Variants in TSPAN7 observed in about 807,000 individuals in gnomAD.
TSPAN7 encodes tetraspanin-7.
TSPAN7 carries 1 observed loss-of-function variant against 17.6 expected under a neutral mutation model. The observed-to-expected ratio is 0.06, with a 90% CI of 0.02 to 0.27. The LOEUF is 0.27. Ranked by LOEUF, TSPAN7 falls within the 10% of genes least tolerant of loss-of-function variation. TSPAN7 has a pLI of 1.00. For missense variants in TSPAN7, 112 were observed against 201.7 expected (o/e 0.56, Z 2.69); for synonymous variants, 78 against 79.0 (o/e 0.99, Z 0.07).
At chrX:38,627,465 C>T (rs1360684860) in intron 1 of TSPAN7, among the ~76,000 whole-genome samples, 2 of 112,097 alleles carry the variant, frequency 1.8e-5, no homozygotes, top group Non-Finnish European at 3.8e-5. Flanking sequence ...TGAGGTAATA[C>T]TTTCTAAAGC....
At chrX:38,645,821 C>T (rs1602111321) in intron 1 of TSPAN7, among the ~76,000 whole-genome samples, 2 of 111,677 alleles carry the variant, frequency 1.8e-5, no homozygotes, top group Non-Finnish European at 3.8e-5. Context: ...CTTGGAAGCA[C>T]TCAATAATAA....
At chrX:38,579,429 T>A (rs769826041) in intron 1 of TSPAN7, among the ~76,000 whole-genome samples, 2 of 107,743 alleles carry the variant, frequency 1.9e-5, no homozygotes, top group Admixed American at 1.0e-4. Flanking sequence ...AAAAAAAAAA[T>A]ACAAATATTA....
chrX:38,680,539 TTCTCTCTC>T (rs61619425), intron 5 of TSPAN7, among the ~76,000 whole-genome samples: 899 of 75,557 alleles, frequency 0.012, 11 homozygotes, highest in African/African-American at 0.03. Context: ...TACTTACAAA[TTCTCTCTC>T]TCTCTCTCTC....
chrX:38,678,865 C>G (rs955687523), intron 5 of TSPAN7, among the ~76,000 whole-genome samples: 1 of 111,572 alleles, frequency 9.0e-6, no homozygotes, highest in African/African-American at 3.3e-5. Flanking sequence ...GTCGGGAGAT[C>G]TGGTTAAAAT....
chrX:38,666,135 C>A lies in TSPAN7; in HGVS notation c.96C>A (p.Ile32=), dbSNP rs1237528573. Residue 32 remains isoleucine, a synonymous_variant, in exon 2 of 8, where the codon ATC becomes ATA. Coordinates refer to ENST00000378482, the MANE Select transcript of TSPAN7 (RefSeq NM_004615.4). ...CCCTCTTTCAGATCACTGGGGTGATCCTGCTGGCTGTTGGAGTCTGGGGCA... is the reference window on the plus strand; with the variant it reads ...CCCTCTTTCAGATCACTGGGGTGATACTGCTGGCTGTTGGAGTCTGGGGCA... ...YSFVFWITGV[I]LLAVGVWGKL... is the part of the protein sequence containing the mutation. 3 of 1,211,118 alleles carry A rather than the reference C, an allele frequency of 2.5e-6. No individual in the cohort carries two copies. Among genetic ancestry groups the A allele is most frequent in the Non-Finnish European group, 2.2e-6 (2 of 895,338 alleles).
At chrX:38,580,100 T>C (rs1404084896) in intron 1 of TSPAN7, among the ~76,000 whole-genome samples, 1 of 112,604 alleles carries the variant, frequency 8.9e-6, no homozygotes, top group African/African-American at 3.2e-5. Flanking sequence ...AACTTTGGCC[T>C]GTGAGCTAAA....
At chrX:38,623,808 C>T (rs187877970) in intron 1 of TSPAN7, among the ~76,000 whole-genome samples, 24 of 108,531 alleles carry the variant, frequency 2.2e-4, no homozygotes, top group East Asian at 6.0e-4. Flanking sequence ...CAAAACAAAA[C>T]GAAAACCAGT....
chrX:38,659,069 C>T (rs73198490), intron 1 of TSPAN7, among the ~76,000 whole-genome samples: 1 of 108,382 alleles, frequency 9.2e-6, no homozygotes, highest in South Asian at 4.0e-4. Context: ...TACATGTACA[C>T]GAGACAAAAA....
At chrX:38,576,957 G>T (rs2069197183) in intron 1 of TSPAN7, among the ~76,000 whole-genome samples, 1 of 111,264 alleles carries the variant, frequency 9.0e-6, no homozygotes, top group African/African-American at 3.3e-5. Context: ...GTAGTAAGTT[G>T]GTTGGGTTGA....
At chrX:38,664,279 C>T (rs780217400) in intron 1 of TSPAN7, among the ~76,000 whole-genome samples, 1 of 111,818 alleles carries the variant, frequency 8.9e-6, no homozygotes, top group East Asian at 2.8e-4. Flanking sequence ...TAAGCATTTA[C>T]TCTGTGCCTG....
At chrX:38,668,737 G>A (rs1308960890) in intron 2 of TSPAN7, among the ~76,000 whole-genome samples, 1 of 111,658 alleles carries the variant, frequency 9.0e-6, no homozygotes, top group Non-Finnish European at 1.9e-5. Context: ...ATATACATGG[G>A]GGCGTGGCTA....
intron 1 of TSPAN7, among the ~76,000 whole-genome samples, chrX:38,613,308 A>G (rs1018149249): frequency 9.0e-6 from 1 of 111,666 alleles, no homozygotes; most frequent in Non-Finnish European, 1.9e-5. Context: ...TATCATTGGT[A>G]TATATTTGCT....
chrX:38,688,702 T>C lies in TSPAN7; in HGVS notation c.*771T>C, dbSNP rs1446762053. 1.8e-5 allele frequency: 2 copies of C among 112,680 alleles called. No individual in the cohort carries two copies. The highest frequency in any genetic ancestry group is 7.3e-4 in the South Asian group (2 of 2,727). 9.3% of individuals were successfully genotyped at this position (112,680 alleles called of 1,213,427 possible). A position where few individuals can be genotyped will look rare whatever the true frequency, so the allele number is the denominator to read the frequency against. ...TTTCCCCAATTAATTGCTATTGTGT[T>C]ATTTTACTACTTCTCTCTGTATTTT... On this transcript the variant is annotated 3_prime_UTR_variant, in exon 8 of 8. Coordinates refer to ENST00000378482, the MANE Select transcript of TSPAN7 (RefSeq NM_004615.4).
chrX:38,605,782 A>T (rs1244221580), intron 1 of TSPAN7, among the ~76,000 whole-genome samples: 5 of 110,814 alleles, frequency 4.5e-5, no homozygotes, highest in African/African-American at 1.7e-4. Flanking sequence ...CTGATCTTTG[A>T]CAAACCTGAC....
At chrX:38,661,834 T>TAA (rs200146691) in intron 1 of TSPAN7, among the ~76,000 whole-genome samples, 34 of 105,398 alleles carry the variant, frequency 3.2e-4, no homozygotes, top group Admixed American at 1.1e-3. Context: ...AGAGATGTTT[T>TAA]AAAAAAAAAA....
intron 1 of TSPAN7, 112 bp downstream of exon 1, chrX:38,561,739 C>T: frequency 1.5e-6 from 1 of 666,447 alleles, no homozygotes; most frequent in Non-Finnish European, 2.2e-6. Flanking sequence ...AATCTGGGAC[C>T]CCTCTTTAAG....
At chrX:38,685,806 G>A (rs1038176450) in intron 6 of TSPAN7, among the ~76,000 whole-genome samples, 1 of 112,123 alleles carries the variant, frequency 8.9e-6, no homozygotes, top group Non-Finnish European at 1.9e-5. Flanking sequence ...TGGGTTATAT[G>A]CAAATATTAC....
chrX:38,679,448 C>G (rs999755658), intron 5 of TSPAN7, among the ~76,000 whole-genome samples: 2 of 111,870 alleles, frequency 1.8e-5, no homozygotes, highest in African/African-American at 6.5e-5. Flanking sequence ...ATATCCACAT[C>G]TCTTCTCATT....
intron 1 of TSPAN7, among the ~76,000 whole-genome samples, chrX:38,583,949 C>CTTTTTTTTTTTTTTTTTTTTT (rs34777484): frequency 7.5e-5 from 5 of 66,954 alleles, no homozygotes; most frequent in African/African-American, 1.2e-4. Flanking sequence ...TTTTTCTTTT[C>CTTTTTTTTTTTTTTTTTTTTT]TTTTTTTTTT....
Sources: gnomAD v4.1 joint callset for allele counts (sites outside exome capture counted in the v4.1 genomes callset) on GRCh38, gnomAD v4.1.1 for gene constraint, MANE v1.5 for transcripts, NCBI Gene and HGNC (gene_info 2026-07-23, HGNC 2026-07-21) for gene names.